The following MMS19 variants were observed in gnomAD, a reference collection of about 807,000 sequenced individuals.
The protein encoded by MMS19 is MMS19 cytosolic iron-sulfur assembly component.
A neutral mutation model predicts 129.8 loss-of-function variants in MMS19; 77 were observed. That is an observed-to-expected ratio of 0.59 (90% confidence interval 0.49 to 0.72). MMS19 has a LOEUF of 0.72. Among genes scored for constraint, MMS19 ranks in the 30% least tolerant of loss-of-function variants. The pLI is 0.00. For synonymous variants in MMS19, 491 were observed against 502.8 expected (o/e 0.98, Z 0.31); for missense variants, 1,168 against 1,266.3 (o/e 0.92, Z 1.18).
At chr10:97,470,681 T>C in intron 9 of MMS19, 94 bp downstream of exon 9, 1 of 756,848 alleles carries the variant, frequency 1.3e-6, no homozygotes, top group Non-Finnish European at 2.3e-6. Context: ...CCCTAAAATG[T>C]ATACCAGATA....
At chr10:97,491,130 A>G (rs1379782891) in intron 1 of MMS19, among the ~76,000 whole-genome samples, 1 of 152,210 alleles carries the variant, frequency 6.6e-6, no homozygotes, top group African/African-American at 2.4e-5. Context: ...GAAACAACCC[A>G]TCTAAAAACT....
Position 97,484,127 on chromosome 10 carries a change from A to C in MMS19, c.137T>G (p.Val46Gly), listed in dbSNP as rs1352782326. ...AADVKSGNYT[V>G]LQVVEALGSS... ...CCCAAGGGCTTCCACAACTTGTAACACTGTATAGTTGCCAGATTTCACATC... is the reference window on the plus strand; with the variant it reads ...CCCAAGGGCTTCCACAACTTGTAACCCTGTATAGTTGCCAGATTTCACATC... The change falls in exon 2 of 31, where the codon GTG (valine) becomes GGG (glycine). Residue 46 changes from valine (V) to glycine (G), a missense_variant. Around this residue, in one of 3 missense-constraint regions of MMS19, gnomAD observed 329 missense variants for 328.6 expected, o/e 1.00. Transcript: ENST00000438925. 1.3e-6 allele frequency: 2 copies of C among 1,544,132 alleles called. No individual in the cohort carries two copies. Among genetic ancestry groups the C allele is most frequent in the Non-Finnish European group, 1.8e-6 (2 of 1,140,450 alleles).
chr10:97,460,632 GA>G, intron 25 of MMS19, 62 bp downstream of exon 25: 3 of 1,356,872 alleles, frequency 2.2e-6, no homozygotes, highest in Non-Finnish European at 3.1e-6. Context: ...TCCTTGGGAG[GA>G]ATAGGAGCAA....
chr10:97,485,821 A>C (rs2037743143), intron 1 of MMS19, among the ~76,000 whole-genome samples: 1 of 152,272 alleles, frequency 6.6e-6, no homozygotes, highest in East Asian at 1.9e-4. Context: ...AAGACAAGAG[A>C]TAACAAGTGC....
At chr10:97,466,269 A>G in intron 16 of MMS19, 110 bp from the exon 17 acceptor site, 1 of 920,270 alleles carries the variant, frequency 1.1e-6, no homozygotes, top group South Asian at 1.5e-5. Context: ...CCTCCTTGCT[A>G]AAGAGCAGAA....
Position 97,461,641 on chromosome 10 carries a change from T to C in MMS19, c.2185-19A>G, listed in dbSNP as rs1179656265. ...TTTCCACCTACAGAAAACCTGGCCA[T>C]GTAATGGACCCAGAGAACACTTGAA... On this transcript the variant is annotated intron_variant, in intron 22 of 30. Coordinates refer to ENST00000438925, the MANE Select transcript of MMS19 (RefSeq NM_022362.5). 4.4e-6 allele frequency: 7 copies of C among 1,594,088 alleles called. No individual in the cohort carries two copies. The highest frequency in any genetic ancestry group is 6.0e-6 in the Non-Finnish European group (7 of 1,170,354).
chr10:97,479,440 G>C lies in MMS19; in HGVS notation c.263-1051C>G, dbSNP rs1158507974. Among the ~76,000 whole-genome samples the C allele has an allele frequency of 3.9e-5, 6 of 152,182 alleles. No homozygotes were observed. In the East Asian group the frequency reaches 1.2e-3, roughly 29 times the overall value. On this transcript the variant is annotated intron_variant, in intron 3 of 30. Transcript: ENST00000438925. ...CCCATTCGACGCCCCTTTTCAGTAG[G>C]AAGTAGCCAGGAGTCATCACCCCAA...
In MMS19 at chr10:97,469,114, AG is replaced by A; in HGVS notation, c.925-11del. 6.4e-7 allele frequency: 1 copy of A among 1,567,688 alleles called. No homozygotes were observed. Among genetic ancestry groups the A allele is most frequent in the Non-Finnish European group, 8.6e-7 (1 of 1,161,170 alleles). On this transcript the variant is annotated splice_polypyrimidine_tract_variant and intron_variant, in intron 11 of 30. Coordinates refer to ENST00000438925, the MANE Select transcript of MMS19 (RefSeq NM_022362.5). The stretch of plus-strand genomic sequence containing the variant: ...TTGCCGTCTGGAACACCTGTCAGGG[AG>A]GGATCCCATGGCTACTGAGGTGAGC...
chr10:97,474,676 A>G (rs1161124226), intron 8 of MMS19, among the ~76,000 whole-genome samples: 2 of 152,244 alleles, frequency 1.3e-5, no homozygotes, highest in East Asian at 3.8e-4. Flanking sequence ...TATCTTGATA[A>G]GAGCTTTCTG....
intron 14 of MMS19, 55 bp from the exon 15 acceptor site, chr10:97,466,956 G>A: frequency 4.4e-6 from 7 of 1,607,322 alleles, no homozygotes; most frequent in Non-Finnish European, 5.1e-6. Flanking sequence ...CCATATCCCT[G>A]ACTAAGCTGT....
intron 9 of MMS19, 115 bp from the exon 10 acceptor site, chr10:97,470,318 A>C: frequency 2.7e-6 from 2 of 747,228 alleles, no homozygotes; most frequent in Non-Finnish European, 4.7e-6. Context: ...AAGGAGCTGT[A>C]CTCAAGTCAG....
intron 4 of MMS19, 130 bp from the exon 5 acceptor site, chr10:97,478,059 G>T: frequency 1.5e-6 from 1 of 679,214 alleles, no homozygotes; most frequent in Non-Finnish European, 2.5e-6. Context: ...AGCACTAATA[G>T]TGAGACTCTT....
chr10:97,495,022 C>A (rs1039453776), intron 1 of MMS19, among the ~76,000 whole-genome samples: 3 of 152,180 alleles, frequency 2.0e-5, no homozygotes, highest in African/African-American at 7.2e-5. Flanking sequence ...GAAATAAGTG[C>A]GTACTACAAA....
intron 3 of MMS19, 128 bp from the exon 4 acceptor site, chr10:97,478,517 A>G (rs2036174971): frequency 6.0e-6 from 4 of 668,150 alleles, no homozygotes; most frequent in South Asian, 3.7e-5. Flanking sequence ...TTTCACCAAG[A>G]GACATGTCCT....
intron 1 of MMS19, among the ~76,000 whole-genome samples, chr10:97,485,063 C>T (rs147447171): frequency 2.6e-5 from 4 of 152,320 alleles, no homozygotes; most frequent in African/African-American, 4.8e-5. Flanking sequence ...ATGTGAGCCA[C>T]TGCGTGCGAC....
At chr10:97,459,969 C>A (rs2031277634) in intron 26 of MMS19, 77 bp downstream of exon 26, 1 of 1,476,262 alleles carries the variant, frequency 6.8e-7, no homozygotes, top group Non-Finnish European at 9.3e-7. Context: ...AGCAAGCGGG[C>A]CCTAAATTAT....
chr10:97,492,025 C>A (rs1427421698), intron 1 of MMS19, among the ~76,000 whole-genome samples: 1 of 151,234 alleles, frequency 6.6e-6, no homozygotes, highest in Non-Finnish European at 1.5e-5. Flanking sequence ...GTAATCCTAG[C>A]TACTCCGAAG....
In MMS19 at chr10:97,477,690, C is replaced by T. The variant is rs29001282; in HGVS notation, c.423+165G>A. On this transcript the variant is annotated intron_variant, in intron 5 of 30. Coordinates refer to ENST00000438925, the MANE Select transcript of MMS19 (RefSeq NM_022362.5). Reference sequence around the variant, plus strand: ...TAATGGCATGCACCCCTTTCCTTGTCCAATAACAAAGATGAGCATATAAAC... The same window carrying T: ...TAATGGCATGCACCCCTTTCCTTGTTCAATAACAAAGATGAGCATATAAAC... 6.4e-3 allele frequency among the ~76,000 whole-genome samples: 969 copies of T among 152,214 alleles called. 11 individuals carry two copies. Among genetic ancestry groups the T allele is most frequent in the African/African-American group, 0.022 (914 of 41,528 alleles).
intron 4 of MMS19, 122 bp from the exon 5 acceptor site, chr10:97,478,051 C>T: frequency 1.4e-6 from 1 of 694,354 alleles, no homozygotes; most frequent in South Asian, 1.9e-5. Context: ...GAGGAAGAAG[C>T]ACTAATAGTG....
Sources: allele counts gnomAD v4.1 joint callset (sites outside exome capture counted in the v4.1 genomes callset), GRCh38; gene constraint gnomAD v4.1.1; regional missense constraint gnomAD v4.1.1; transcripts MANE v1.5; gene names NCBI Gene and HGNC (gene_info 2026-07-23, HGNC 2026-07-21).